Variants in RAB18 observed in about 807,000 individuals in gnomAD.
RAB18 encodes ras-related protein Rab-18.
RAB18 carries 10 observed loss-of-function variants against 28.5 expected under a neutral mutation model. The ratio of observed to expected loss-of-function variants is 0.35; its 90% CI spans 0.22 to 0.60. The LOEUF is 0.60. Ranked by LOEUF, RAB18 falls within the 20% of genes least tolerant of loss-of-function variation. The pLI is 0.78. For synonymous variants in RAB18, 93 were observed against 86.9 expected, an observed-to-expected ratio of 1.07 and a Z score of -0.39; for missense variants, 188 against 244.2, an observed-to-expected ratio of 0.77 and a Z score of 1.53.
At chr10:27,533,067 G>A (rs1332446069) in intron 4 of RAB18, among the ~76,000 whole-genome samples, 1 of 151,984 alleles carries the variant, frequency 6.6e-6, no homozygotes, top group East Asian at 1.9e-4. Flanking sequence ...GCTTGTTCTT[G>A]ATATTCCTGG....
chr10:27,523,070 A>C (rs2132391316), intron 2 of RAB18, among the ~76,000 whole-genome samples: 1 of 151,974 alleles, frequency 6.6e-6, no homozygotes, highest in South Asian at 2.1e-4. Context: ...CTATTGTCTT[A>C]GTTTAGAAGC....
chr10:27,517,256 G>A (rs762177155), intron 2 of RAB18, among the ~76,000 whole-genome samples: 5 of 152,058 alleles, frequency 3.3e-5, no homozygotes, highest in Admixed American at 6.6e-5. Context: ...CCAGCCACTC[G>A]GGAGGCTGAG....
chr10:27,534,153 ATTC>A (rs938586069), intron 6 of RAB18, among the ~76,000 whole-genome samples, 159 bp downstream of exon 6: 1 of 152,164 alleles, frequency 6.6e-6, no homozygotes, highest in Non-Finnish European at 1.5e-5. Context: ...AAGGTTCTTT[ATTC>A]TTCTTCCTGT....
intron 1 of RAB18, among the ~76,000 whole-genome samples, chr10:27,505,939 T>A (rs558485593): frequency 6.6e-6 from 1 of 152,190 alleles, no homozygotes; most frequent in East Asian, 1.9e-4. Context: ...AATAGAATAA[T>A]GAAATACTAT....
chr10:27,524,891 T>C (rs942649034), intron 2 of RAB18, among the ~76,000 whole-genome samples: 19 of 152,208 alleles, frequency 1.2e-4, no homozygotes, highest in African/African-American at 4.6e-4. Flanking sequence ...CTGGGGACTT[T>C]AGGGGTCTGG....
chr10:27,531,841 G>A (rs1190812991), intron 3 of RAB18, among the ~76,000 whole-genome samples: 1 of 151,154 alleles, frequency 6.6e-6, no homozygotes, highest in Non-Finnish European at 1.5e-5. Flanking sequence ...TCAAGAATTG[G>A]TCTCAGCACA....
In RAB18 at chr10:27,533,830, C is replaced by G. The variant is rs1158673039; in HGVS notation, c.355C>G (p.Leu119Val). 2 of 1,613,210 alleles carry G rather than the reference C, an allele frequency of 1.2e-6. No individual in the cohort carries two copies. Among genetic ancestry groups the G allele is most frequent in the Non-Finnish European group, 8.5e-7 (1 of 1,179,504 alleles). The change falls in exon 5 of 7, where the codon CTA (leucine) becomes GTA (valine). Residue 119 changes from leucine (L) to valine (V), a missense_variant. Leu to Val is a conservative substitution (Grantham distance 32). Transcript: ENST00000356940. ...YCTRNDIVNM[L>V]VGNKIDKENR... ...TACAAGAAATGACATAGTAAACATG[C>G]TAGTTGGAAATAAAATCGATAAGGT... is the stretch of plus-strand genomic sequence containing the variant.
chr10:27,527,157 A>G (rs1834691546), intron 3 of RAB18: 1 of 525,706 alleles, frequency 1.9e-6, no homozygotes, highest in South Asian at 1.5e-5. Context: ...CATCTGCCAA[A>G]GAGAATCATA....
intron 3 of RAB18, among the ~76,000 whole-genome samples, chr10:27,529,912 G>A (rs1834753455): frequency 6.6e-6 from 1 of 151,816 alleles, no homozygotes; most frequent in Admixed American, 6.6e-5. Flanking sequence ...TAAACATCTG[G>A]CCTAATTATT....
At position 27,541,776 on chromosome 10, in the gene RAB18, G is replaced by A. The variant is rs1835040710; in HGVS notation, c.*3725G>A. 1 of 453,088 alleles carries A rather than the reference G, an allele frequency of 2.2e-6. No individual in the cohort carries two copies. The highest frequency in any genetic ancestry group is 4.4e-6 in the Non-Finnish European group (1 of 226,614). The allele number at this position is 453,088 out of a possible 1,614,324, so 28.1% of individuals were successfully genotyped here. On this transcript the variant is annotated 3_prime_UTR_variant, in exon 7 of 7. Coordinates refer to ENST00000356940, the MANE Select transcript of RAB18 (RefSeq NM_021252.5). ...TGACTGACTTTAATTTCTTGTTTGTGTGTGCTGTGGCTGCCCGATCCAGCA... is the reference window on the plus strand; with the variant it reads ...TGACTGACTTTAATTTCTTGTTTGTATGTGCTGTGGCTGCCCGATCCAGCA...
intron 1 of RAB18, among the ~76,000 whole-genome samples, chr10:27,506,700 C>G (rs922743619): frequency 6.6e-6 from 1 of 152,108 alleles, no homozygotes; most frequent in Non-Finnish European, 1.5e-5. Context: ...TCAAGCCAAA[C>G]TCCTGCCTCA....
intron 1 of RAB18, among the ~76,000 whole-genome samples, chr10:27,507,729 A>T (rs865950453): frequency 6.6e-6 from 1 of 151,924 alleles, no homozygotes; most frequent in African/African-American, 2.4e-5. Context: ...GAGGGTGTAA[A>T]TATACAATAC....
intron 3 of RAB18, 167 bp downstream of exon 3, chr10:27,527,056 G>A (rs1834689026): frequency 5.1e-6 from 4 of 787,214 alleles, no homozygotes; most frequent in Non-Finnish European, 9.0e-6. Flanking sequence ...TTATAATTGG[G>A]TAATTAGGCA....
rs1407250331 is a variant in RAB18 at position 27,539,597 on chromosome 10, C to T, written c.*1546C>T. ...CTAACACATGTACTTGTGATTTGTT[C>T]ATGTTATATTAAAACTTGAGATTTG... On this transcript the variant is annotated 3_prime_UTR_variant, in exon 7 of 7. Coordinates refer to ENST00000356940, the MANE Select transcript of RAB18 (RefSeq NM_021252.5). 2.3e-6 allele frequency: 1 copy of T among 443,502 alleles called. No homozygotes were observed. Among genetic ancestry groups the T allele is most frequent in the Middle Eastern group, 7.2e-4 (1 of 1,382 alleles). 27.5% of individuals were successfully genotyped at this position (443,502 alleles called of 1,614,324 possible).
intron 2 of RAB18, among the ~76,000 whole-genome samples, chr10:27,516,405 A>C (rs1834438279): frequency 6.6e-6 from 1 of 152,020 alleles, no homozygotes; most frequent in Non-Finnish European, 1.5e-5. Context: ...TAAAAATACA[A>C]AAATTAGCCA....
intron 2 of RAB18, among the ~76,000 whole-genome samples, chr10:27,514,542 CAG>C (rs1834392934): frequency 6.6e-6 from 1 of 151,678 alleles, no homozygotes; most frequent in African/African-American, 2.4e-5. Context: ...CAATAAGAGA[CAG>C]AGTCTAGAAA....
Position 27,527,065 on chromosome 10 carries a change from C to T in RAB18, c.186+176C>T, listed in dbSNP as rs765663003. 21 of 761,516 alleles carry T rather than the reference C, an allele frequency of 2.8e-5. No individual in the cohort carries two copies. In the African/African-American group the frequency reaches 3.4e-4, roughly 12 times the overall value. 47.2% of individuals were successfully genotyped at this position (761,516 alleles called of 1,614,324 possible). ...AATGTCTTATAATTGGGTAATTAGG[C>T]AGCTATGTTTTGTTTAAATTTTCAC... On this transcript the variant is annotated intron_variant, in intron 3 of 6. Coordinates refer to ENST00000356940, the MANE Select transcript of RAB18 (RefSeq NM_021252.5).
chr10:27,535,126 A>G (rs1466753327), intron 6 of RAB18, among the ~76,000 whole-genome samples: 11 of 152,214 alleles, frequency 7.2e-5, no homozygotes, highest in Non-Finnish European at 1.6e-4. Flanking sequence ...AGGCTGTCCC[A>G]TTTGAGCAGA....
chr10:27,512,346 G>A (rs1431530924), intron 2 of RAB18, among the ~76,000 whole-genome samples: 1 of 151,660 alleles, frequency 6.6e-6, no homozygotes, highest in African/African-American at 2.4e-5. Flanking sequence ...TTGCTCTGTT[G>A]CCCAGGCTGG....
Sources: gnomAD v4.1 joint callset for allele counts (sites outside exome capture counted in the v4.1 genomes callset) on GRCh38, gnomAD v4.1.1 for gene constraint, MANE v1.5 for transcripts, NCBI Gene and HGNC (gene_info 2026-07-23, HGNC 2026-07-21) for gene names.